DGKA: variants seen among roughly 807,000 people sequenced by gnomAD.
The protein encoded by DGKA is 80 kDa diacylglycerol kinase.
DGKA carries 35 observed loss-of-function variants against 105.0 expected under a neutral mutation model. The observed-to-expected ratio is 0.33, with a 90% CI of 0.25 to 0.44. The LOEUF (loss-of-function observed/expected upper bound fraction) is 0.44. Ranked by LOEUF, DGKA falls within the 20% of genes least tolerant of loss-of-function variation. The probability of loss-of-function intolerance (pLI) is 1.00; values close to 1 mark genes in which losing one functional copy is unlikely to be tolerated. For synonymous variants in DGKA, 296 were observed against 332.0 expected, an observed-to-expected ratio of 0.89 and a Z score of 1.18; for missense variants, 665 against 915.0, an observed-to-expected ratio of 0.73 and a Z score of 3.53.
intron 9 of DGKA, 81 bp downstream of exon 9, chr12:55,939,610 G>T: frequency 4.2e-6 from 6 of 1,416,880 alleles, no homozygotes; most frequent in Admixed American, 3.5e-5. Flanking sequence ...ACTTAGAAAA[G>T]ACCTAGGTTT....
In DGKA at chr12:55,939,452, A is replaced by G. The variant is rs368343089; in HGVS notation, c.632A>G (p.Lys211Arg). ...KDDGQHMWRP[K>R]RFPRPVYCNL... ...GACGGACAGCACATGTGGAGGCCCA[A>G]GAGGTTCCCCAGACCAGTCTACTGC... Residue 211 changes from lysine to arginine, a missense_variant, in exon 9 of 24, where the codon AAG becomes AGG. Lys to Arg is a conservative substitution (Grantham distance 26). This residue lies in a region of DGKA where 504 missense variants were observed against 681.2 expected (regional missense o/e 0.74). Transcript: ENST00000331886. 6.2e-6 allele frequency: 10 copies of G among 1,614,224 alleles called. No individual in the cohort carries two copies. The highest frequency in any genetic ancestry group is 7.6e-6 in the Non-Finnish European group (9 of 1,180,046).
rs761412920 is a variant in DGKA at position 55,937,391 on chromosome 12, G to T, written c.139-17G>T. ...GACCTTGCAGACTCCCCAGGATAAT[G>T]CTCACTCTCATTATAGGCCATTGGG... On this transcript the variant is annotated splice_polypyrimidine_tract_variant and intron_variant, in intron 3 of 23. Transcript: ENST00000331886. 6 of 1,612,468 alleles carry T rather than the reference G, an allele frequency of 3.7e-6. No homozygotes were observed. The highest frequency in any genetic ancestry group is 2.2e-5 in the South Asian group (2 of 90,826).
chr12:55,948,927 C>A (rs1043219801), intron 17 of DGKA, among the ~76,000 whole-genome samples: 5 of 151,424 alleles, frequency 3.3e-5, no homozygotes, highest in African/African-American at 1.2e-4. Flanking sequence ...GGAGGCTGAG[C>A]AGGAGCATAG....
chr12:55,951,212 AC>A (rs987219100), intron 17 of DGKA, among the ~76,000 whole-genome samples: 2 of 152,130 alleles, frequency 1.3e-5, no homozygotes, highest in African/African-American at 4.8e-5. Flanking sequence ...TTACTATTGA[AC>A]CTTTTATTGC....
chr12:55,927,957 A>T (rs1883228391), upstream of DGKA: 2 of 641,954 alleles, frequency 3.1e-6, no homozygotes, highest in South Asian at 4.2e-5. Flanking sequence ...GGACCTACTT[A>T]GTATTCTAAT....
At chr12:55,930,775 T>A (rs904572010), upstream of DGKA, 35 of 151,688 alleles carry the variant, frequency 2.3e-4, no homozygotes, top group African/African-American at 8.2e-4. Context: ...CCAGTTTGGA[T>A]ACAACAATAC....
intron 17 of DGKA, chr12:55,943,272 C>G (rs1340969034): frequency 6.6e-6 from 1 of 151,708 alleles, no homozygotes; most frequent in African/African-American, 2.4e-5. Context: ...TATTCACTTT[C>G]CCTTTCTTTT....
At position 55,938,526 on chromosome 12, in the gene DGKA, A is replaced by G. The variant is rs770429616; in HGVS notation, c.365A>G (p.Tyr122Cys). The change falls in exon 6 of 24, where the codon TAC becomes TGC. Residue 122 changes from tyrosine (Y) to cysteine (C), a missense_variant. Coordinates refer to ENST00000331886, the MANE Select transcript of DGKA (RefSeq NM_001345.5). ...EDKLEFTFKL[Y>C]DTDRNGILDS... Reference sequence around the variant, plus strand: ...CACCCCACAGTCACCTTCAAGCTGTACGACACGGACAGAAATGGGATCCTG... The same window carrying G: ...CACCCCACAGTCACCTTCAAGCTGTGCGACACGGACAGAAATGGGATCCTG... 3.7e-6 allele frequency: 6 copies of G among 1,614,122 alleles called. No individual in the cohort carries two copies. The highest frequency in any genetic ancestry group is 4.2e-6 in the Non-Finnish European group (5 of 1,180,010).
Position 55,932,822 on chromosome 12 carries a change from C to A in DGKA, c.-82+1478C>A, listed in dbSNP as rs1883918345. 1.9e-6 allele frequency: 1 copy of A among 529,078 alleles called. No homozygotes were observed. The highest frequency in any genetic ancestry group is 3.4e-6 in the Non-Finnish European group (1 of 292,960). The allele number at this position is 529,078 out of a possible 1,614,324, so 32.8% of individuals were successfully genotyped here. On this transcript the variant is annotated intron_variant, in intron 1 of 23. Coordinates refer to ENST00000331886, the MANE Select transcript of DGKA (RefSeq NM_001345.5). The surrounding 1 kb of genome is among the most constrained non-coding windows in gnomAD (Gnocchi z 4.3). ...GTTTTGAGGCTTCAAGCAAATGATT[C>A]CCTCTTGAGGGCTACCTACTAGCAG...
At chr12:55,944,283 C>T (rs1322288995) in intron 17 of DGKA, among the ~76,000 whole-genome samples, 1 of 152,064 alleles carries the variant, frequency 6.6e-6, no homozygotes. Context: ...CTGGCTGACA[C>T]AGTGAGATCT....
At chr12:55,937,213 C>G (rs926505086) in intron 3 of DGKA, 123 bp downstream of exon 3, 1 of 1,241,940 alleles carries the variant, frequency 8.1e-7, no homozygotes, top group African/African-American at 1.5e-5. Context: ...ACCCTAGTGT[C>G]CATTGTCACT....
intron 1 of DGKA, chr12:55,935,997 C>A (rs966885799): frequency 1.0e-6 from 1 of 989,488 alleles, no homozygotes; most frequent in Non-Finnish European, 1.2e-6. Flanking sequence ...CCGGAACTGC[C>A]GAAGACCCGA....
rs1348459229 is a variant in DGKA, at chr12:55,938,193, C to T, written c.349+141C>T. On this transcript the variant is annotated intron_variant, in intron 5 of 23. Transcript: ENST00000331886. ...GTGGGGCCAGAGAATGAGCCCATTT[C>T]CTGTGTTCTCCCAGACTATTTATAC... is the stretch of plus-strand genomic sequence containing the variant. 15 of 764,404 alleles carry T rather than the reference C, an allele frequency of 2.0e-5. No individual in the cohort carries two copies. The East Asian group carries it at 3.7e-4, about 19-fold the overall frequency. 47.4% of individuals were successfully genotyped at this position (764,404 alleles called of 1,614,324 possible).
At position 55,936,451 on chromosome 12, in the gene DGKA, G is replaced by A. The variant is rs918705350; in HGVS notation, c.-53G>A. On this transcript the variant is annotated 5_prime_UTR_variant, in exon 2 of 24. Coordinates refer to ENST00000331886, the MANE Select transcript of DGKA (RefSeq NM_001345.5). ...TACCCTCTGAAGAGGTCCAAGCAAC[G>A]GAAGTACTACTACGAAGCTGCCTTT... 3.7e-6 allele frequency: 6 copies of A among 1,601,540 alleles called. No individual in the cohort carries two copies. Among genetic ancestry groups the A allele is most frequent in the Admixed American group, 1.7e-5 (1 of 59,306 alleles).
upstream of DGKA, chr12:55,928,030 T>C (rs570669906): frequency 7.0e-5 from 36 of 517,810 alleles, no homozygotes; most frequent in African/African-American, 6.4e-4. Flanking sequence ...GGTCCCGTAG[T>C]GTCACTCCAT....
chr12:55,952,193 C>A lies in DGKA; in HGVS notation c.1652+94C>A. On this transcript the variant is annotated intron_variant, in intron 19 of 23. Transcript: ENST00000331886. This position sits in a 1 kb window ranked among gnomAD's most constrained non-coding sequence, Gnocchi z 5.1. ...CAGATTGCTCAGAAGAACAGTGGCACCTCTAGGAGGTCCCCCCAACCAAAG... is the reference window on the plus strand; with the variant it reads ...CAGATTGCTCAGAAGAACAGTGGCAACTCTAGGAGGTCCCCCCAACCAAAG... 1.3e-6 allele frequency: 2 copies of A among 1,559,336 alleles called. No individual in the cohort carries two copies. The highest frequency in any genetic ancestry group is 1.8e-6 in the Non-Finnish European group (2 of 1,131,504).
At chr12:55,941,405 G>A (rs1263475384) in intron 14 of DGKA, 80 bp downstream of exon 14, 1 of 1,583,158 alleles carries the variant, frequency 6.3e-7, no homozygotes, top group Non-Finnish European at 8.7e-7. Flanking sequence ...GGGGATGTGT[G>A]TGTCTGGAGG....
upstream of DGKA, chr12:55,930,877 A>G (rs996075467): frequency 1.1e-4 from 17 of 152,270 alleles, no homozygotes; most frequent in African/African-American, 4.1e-4. Context: ...AGAACTGCTT[A>G]GATATCCCTG....
upstream of DGKA, chr12:55,927,789 GC>G (rs1883223764): frequency 6.5e-7 from 1 of 1,536,808 alleles, no homozygotes; most frequent in African/African-American, 1.4e-5. Flanking sequence ...ACCAGGTTGG[GC>G]GGGCGGCCCT....
Sources: allele counts gnomAD v4.1 joint callset (sites outside exome capture counted in the v4.1 genomes callset), GRCh38; gene constraint gnomAD v4.1.1; regional missense constraint gnomAD v4.1.1; non-coding constraint Gnocchi (gnomAD v3.1); transcripts MANE v1.5; gene names NCBI Gene and HGNC (gene_info 2026-07-23, HGNC 2026-07-21).